The following KRT23 variants were observed in gnomAD, a reference collection of about 807,000 sequenced individuals.
The protein encoded by KRT23 is keratin 23.
KRT23 carries 38 observed loss-of-function variants against 47.6 expected under a neutral mutation model. The observed-to-expected ratio is 0.80, with a 90% CI of 0.62 to 1.05. The LOEUF is 1.05. Ranked by LOEUF, KRT23 falls within the 50% of genes least tolerant of loss-of-function variation. The probability of loss-of-function intolerance (pLI) is 0.00; values close to 1 mark genes in which losing one functional copy is unlikely to be tolerated. For synonymous variants in KRT23, 191 were observed against 199.0 expected, an observed-to-expected ratio of 0.96 and a Z score of 0.34; for missense variants, 503 against 529.5, an observed-to-expected ratio of 0.95 and a Z score of 0.49.
At chr17:40,924,181 G>A (rs1242109135) in intron 8 of KRT23, among the ~76,000 whole-genome samples, 2 of 152,130 alleles carry the variant, frequency 1.3e-5, no homozygotes, top group African/African-American at 4.8e-5. Context: ...TGAAATCATT[G>A]CCTCTTAGTT....
At chr17:40,933,999 G>T (rs139576331) in intron 2 of KRT23, among the ~76,000 whole-genome samples, 37 of 152,326 alleles carry the variant, frequency 2.4e-4, no homozygotes, top group African/African-American at 8.7e-4. Flanking sequence ...GTCCGATTGA[G>T]AATCATTCAA....
chr17:40,923,116 A>C (rs761057855), intron 8 of KRT23, 33 bp from the exon 9 acceptor site: 10 of 1,478,708 alleles, frequency 6.8e-6, no homozygotes, highest in Non-Finnish European at 9.5e-6. Context: ...TGTCACTGCC[A>C]TGCTTCTTCC....
chr17:40,922,704 G>C lies in KRT23; in HGVS notation c.*285C>G. 3.5e-6 allele frequency: 1 copy of C among 281,960 alleles called. No individual in the cohort carries two copies. The highest frequency in any genetic ancestry group is 6.6e-6 in the Non-Finnish European group (1 of 151,216). The allele number at this position is 281,960 out of a possible 1,614,324, so 17.5% of individuals were successfully genotyped here. The stretch of plus-strand genomic sequence containing the variant: ...ATTAAAAAAAGACACGATGCAGCTA[G>C]TGCGGAGTTTTATTGGCTACAAAAT... On this transcript the variant is annotated 3_prime_UTR_variant, in exon 9 of 9. Coordinates refer to ENST00000209718, the MANE Select transcript of KRT23 (RefSeq NM_015515.5).
At chr17:40,935,339 T>C (rs1396996446) in intron 2 of KRT23, among the ~76,000 whole-genome samples, 1 of 152,120 alleles carries the variant, frequency 6.6e-6, no homozygotes, top group South Asian at 2.1e-4. Flanking sequence ...ATCATGGTCT[T>C]ACAGGGAATT....
Position 40,925,474 on chromosome 17 carries a change from G to T in KRT23, c.1022C>A (p.Thr341Lys). Residue 341 changes from threonine (T) to lysine (K), a missense_variant, in exon 7 of 9, where the codon ACG (threonine) becomes AAG (lysine). Thr to Lys is a moderately conservative substitution (Grantham distance 78). Coordinates refer to ENST00000209718, the MANE Select transcript of KRT23 (RefSeq NM_015515.5). ...CCGCTCCAGTTCATGGCGTAGCTGC[G>T]TCAGTTCCTCCTCATAGTGGGAGAT... ...EIISHYEEEL[T>K]QLRHELERQN... The T allele has an allele frequency of 6.2e-7, 1 of 1,614,130 alleles. No individual in the cohort carries two copies. Among genetic ancestry groups the T allele is most frequent in the Non-Finnish European group, 8.5e-7 (1 of 1,179,996 alleles).
At position 40,936,385 on chromosome 17, in the gene KRT23, C is replaced by T. The variant is rs766228506; in HGVS notation, c.219G>A (p.Lys73=). The stretch of plus-strand genomic sequence containing the variant: ...GGTCGTTGAGATTCTGCATGGTGGC[C>T]TTCCCATTTCCGCCTAGTAGGGGGC... ...RSSPLLGGNG[K]ATMQNLNDRL... The change falls in exon 2 of 9, where the codon AAG becomes AAA. Residue 73 remains lysine, a synonymous_variant. Coordinates refer to ENST00000209718, the MANE Select transcript of KRT23 (RefSeq NM_015515.5). 8.1e-6 allele frequency: 13 copies of T among 1,614,218 alleles called. No individual in the cohort carries two copies. Among genetic ancestry groups the T allele is most frequent in the Non-Finnish European group, 9.3e-6 (11 of 1,180,026 alleles).
At chr17:40,927,858 G>A (rs1392867641) in intron 6 of KRT23, among the ~76,000 whole-genome samples, 2 of 152,156 alleles carry the variant, frequency 1.3e-5, no homozygotes, top group Admixed American at 1.3e-4. Context: ...TGGGGGTCTA[G>A]AATCCCCCTT....
In KRT23 at chr17:40,928,231, G is replaced by C. The variant is rs1434964973; in HGVS notation, c.921+7C>G. ...TGGGATTCACGGTTTTCCTAGCCTT[G>C]ACTCACCGTGCTGTACTGTGTCTGC... On this transcript the variant is annotated splice_region_variant and intron_variant, in intron 6 of 8. Coordinates refer to ENST00000209718, the MANE Select transcript of KRT23 (RefSeq NM_015515.5). 1 of 1,614,048 alleles carries C rather than the reference G, an allele frequency of 6.2e-7. No homozygotes were observed. The highest frequency in any genetic ancestry group is 8.5e-7 in the Non-Finnish European group (1 of 1,179,986).
At chr17:40,935,126 T>TC (rs1411943519) in intron 2 of KRT23, among the ~76,000 whole-genome samples, 2 of 151,624 alleles carry the variant, frequency 1.3e-5, no homozygotes, top group African/African-American at 4.9e-5. Flanking sequence ...TTTTTTTTTT[T>TC]CATAAAGACA....
chr17:40,922,700 G>C lies in KRT23; in HGVS notation c.*289C>G. 2.2e-5 allele frequency: 6 copies of C among 270,854 alleles called. No homozygotes were observed. In the South Asian group the frequency reaches 2.9e-4, roughly 13 times the overall value. The allele number at this position is 270,854 out of a possible 1,614,324, so 16.8% of individuals were successfully genotyped here. The stretch of plus-strand genomic sequence containing the variant: ...TGATATTAAAAAAAGACACGATGCA[G>C]CTAGTGCGGAGTTTTATTGGCTACA... On this transcript the variant is annotated 3_prime_UTR_variant, in exon 9 of 9. Coordinates refer to ENST00000209718, the MANE Select transcript of KRT23 (RefSeq NM_015515.5).
chr17:40,930,663 C>G (rs528271578), intron 3 of KRT23, among the ~76,000 whole-genome samples: 17 of 151,930 alleles, frequency 1.1e-4, no homozygotes, highest in South Asian at 8.3e-4. Context: ...ACTTGGGAGG[C>G]TGAGGCAGGA....
intron 2 of KRT23, among the ~76,000 whole-genome samples, chr17:40,932,871 A>G (rs938899144): frequency 1.3e-5 from 2 of 152,206 alleles, no homozygotes; most frequent in Non-Finnish European, 2.9e-5. Context: ...CTCAAAGAGC[A>G]GGGCCTGGGA....
intron 4 of KRT23, among the ~76,000 whole-genome samples, chr17:40,929,194 A>G (rs925093408): frequency 4.6e-5 from 7 of 152,222 alleles, no homozygotes; most frequent in Admixed American, 6.5e-5. Flanking sequence ...AACATAGTTA[A>G]GCAGCTGAAC....
intron 6 of KRT23, among the ~76,000 whole-genome samples, chr17:40,926,352 CG>C: frequency 6.6e-6 from 1 of 152,304 alleles, no homozygotes; most frequent in African/African-American, 2.4e-5. Flanking sequence ...TGCTGCCTGG[CG>C]GTTAAAGCAC....
chr17:40,924,353 C>T, intron 8 of KRT23, 119 bp downstream of exon 8: 1 of 743,180 alleles, frequency 1.3e-6, no homozygotes, highest in Non-Finnish European at 2.3e-6. Flanking sequence ...GATTCCTGAC[C>T]CAGGACATTT....
At chr17:40,931,338 A>C in intron 3 of KRT23, 35 bp downstream of exon 3, 1 of 1,527,094 alleles carries the variant, frequency 6.5e-7, no homozygotes, top group Non-Finnish European at 9.1e-7. Context: ...GCAAACAAAC[A>C]AAAACCCGAA....
intron 8 of KRT23, 145 bp from the exon 9 acceptor site, chr17:40,923,228 G>T: frequency 1.6e-6 from 1 of 611,442 alleles, no homozygotes; most frequent in African/African-American, 1.9e-5. Context: ...CTCTGCTGCT[G>T]GGAAAAGGGA....
In KRT23 at chr17:40,936,607, C is replaced by A. The variant is rs774368967; in HGVS notation, c.-4G>T. On this transcript the variant is annotated 5_prime_UTR_variant, in exon 2 of 9. Coordinates refer to ENST00000209718, the MANE Select transcript of KRT23 (RefSeq NM_015515.5). ...TGAAGCTGTGTCCGGAGTTCATGGT[C>A]CCATCTGTGTTTGGGACGGGGCTGA... 5.9e-6 allele frequency: 9 copies of A among 1,512,834 alleles called. No individual in the cohort carries two copies. Among genetic ancestry groups the A allele is most frequent in the Non-Finnish European group, 7.9e-6 (9 of 1,133,096 alleles). 93.7% of individuals were successfully genotyped at this position (1,512,834 alleles called of 1,614,324 possible).
At chr17:40,933,811 T>C (rs1380208895) in intron 2 of KRT23, among the ~76,000 whole-genome samples, 1 of 152,238 alleles carries the variant, frequency 6.6e-6, no homozygotes, top group African/African-American at 2.4e-5. Context: ...AAACGATATA[T>C]GAGGCATAGG....
Sources: allele counts gnomAD v4.1 joint callset (sites outside exome capture counted in the v4.1 genomes callset), GRCh38; gene constraint gnomAD v4.1.1; transcripts MANE v1.5; gene names NCBI Gene and HGNC (gene_info 2026-07-23, HGNC 2026-07-21).